Variants in RAPGEF5 observed in about 807,000 individuals in gnomAD.
RAPGEF5 encodes Rap guanine nucleotide exchange factor 5.
RAPGEF5 carries 65 observed loss-of-function variants against 125.2 expected under a neutral mutation model. The ratio of observed to expected loss-of-function variants is 0.52; its 90% CI spans 0.43 to 0.64. RAPGEF5 has a LOEUF of 0.64. Among genes scored for constraint, RAPGEF5 ranks in the 30% least tolerant of loss-of-function variants. RAPGEF5 has a pLI of 0.00. For synonymous variants in RAPGEF5, 391 were observed against 385.9 expected, an observed-to-expected ratio of 1.01 and a Z score of -0.16; for missense variants, 958 against 1,048.1, an observed-to-expected ratio of 0.91 and a Z score of 1.19.
At chr7:22,290,341 G>A (rs1782900434) in intron 6 of RAPGEF5, among the ~76,000 whole-genome samples, 1 of 152,204 alleles carries the variant, frequency 6.6e-6, no homozygotes, top group African/African-American at 2.4e-5. Context: ...GATTGCTAGA[G>A]CCTGTCAAAA....
At chr7:22,320,063 A>G (rs1245068366) in intron 1 of RAPGEF5, among the ~76,000 whole-genome samples, 7 of 152,224 alleles carry the variant, frequency 4.6e-5, no homozygotes, top group Non-Finnish European at 7.3e-5. Flanking sequence ...CTGAATAGAT[A>G]GCAGCGTTAG....
intron 7 of RAPGEF5, among the ~76,000 whole-genome samples, chr7:22,238,029 G>A (rs756665054): frequency 2.0e-5 from 3 of 152,112 alleles, no homozygotes; most frequent in Admixed American, 6.6e-5. Flanking sequence ...ATAAACAAAC[G>A]TAAACTGAAG....
At chr7:22,266,448 C>A (rs955047839) in intron 7 of RAPGEF5, among the ~76,000 whole-genome samples, 9 of 152,140 alleles carry the variant, frequency 5.9e-5, no homozygotes, top group African/African-American at 2.2e-4. Context: ...CATGTTACTT[C>A]CACAGATTAT....
chr7:22,188,725 C>A (rs1784897103), intron 11 of RAPGEF5, among the ~76,000 whole-genome samples: 1 of 147,074 alleles, frequency 6.8e-6, no homozygotes, highest in Non-Finnish European at 1.5e-5. Flanking sequence ...GAGATCGCGC[C>A]ACTGCACTCC....
chr7:22,205,436 C>G (rs1785376619), intron 9 of RAPGEF5, among the ~76,000 whole-genome samples: 1 of 152,146 alleles, frequency 6.6e-6, no homozygotes, highest in Admixed American at 6.5e-5. Context: ...CATCTCAAAC[C>G]ACCCACAATT....
intron 7 of RAPGEF5, among the ~76,000 whole-genome samples, chr7:22,231,376 A>G (rs899050681): frequency 2.8e-4 from 43 of 152,138 alleles, no homozygotes; most frequent in African/African-American, 9.9e-4. Flanking sequence ...AAAATTCCAT[A>G]TTGTGGAGTC....
At chr7:22,174,274 AAGG>A (rs1395178483) in intron 11 of RAPGEF5, among the ~76,000 whole-genome samples, 2 of 152,216 alleles carry the variant, frequency 1.3e-5, no homozygotes, top group African/African-American at 2.4e-5. Context: ...GGAGGAGGAA[AAGG>A]AGAAGCAAAT....
At chr7:22,190,393 T>C (rs1245860848) in intron 11 of RAPGEF5, among the ~76,000 whole-genome samples, 1 of 152,144 alleles carries the variant, frequency 6.6e-6, no homozygotes, top group African/African-American at 2.4e-5. Flanking sequence ...ATTATGAAAA[T>C]AGTATACATA....
intron 6 of RAPGEF5, among the ~76,000 whole-genome samples, chr7:22,272,448 T>C (rs1782457439): frequency 6.6e-6 from 1 of 151,920 alleles, no homozygotes; most frequent in South Asian, 2.1e-4. Flanking sequence ...TACCAAAGCG[T>C]TGTCCTTACA....
chr7:22,193,907 ACT>A lies in RAPGEF5; in HGVS notation c.1115+6_1115+7del, dbSNP rs1491469300. The A allele has an allele frequency of 2.5e-6, 4 of 1,611,070 alleles. No homozygotes were observed. The highest frequency in any genetic ancestry group is 2.7e-5 in the African/African-American group (2 of 74,254). ...CGCGTGCCTCTGTGGCTGCAGGGAAACTCTCACCTCCAATGGCTCTCCGCACT... is the reference window on the plus strand; with the variant it reads ...CGCGTGCCTCTGTGGCTGCAGGGAAACTCACCTCCAATGGCTCTCCGCACT... On this transcript the variant is annotated splice_donor_region_variant and intron_variant, in intron 10 of 25. Transcript: ENST00000665637.
rs530032829 is a variant in RAPGEF5, at chr7:22,277,857, T to C, written c.748-10845A>G. Among the ~76,000 whole-genome samples the C allele has an allele frequency of 3.3e-5, 5 of 152,328 alleles. No homozygotes were observed. The South Asian group carries it at 1.0e-3, about 32-fold the overall frequency. ...CCTTTATTTTAAAAGCTCATATGTT[T>C]AGACAGAGTCCACACAGACAATCTA... On this transcript the variant is annotated intron_variant, in intron 6 of 25. Coordinates refer to ENST00000665637, the MANE Select transcript of RAPGEF5 (RefSeq NM_012294.5).
chr7:22,246,732 C>G (rs1786487107), intron 7 of RAPGEF5, among the ~76,000 whole-genome samples: 1 of 151,956 alleles, frequency 6.6e-6, no homozygotes, highest in Non-Finnish European at 1.5e-5. Context: ...ACAAGTGGGA[C>G]CTAATTAAAC....
At chr7:22,198,190 G>C (rs1583474570) in intron 9 of RAPGEF5, among the ~76,000 whole-genome samples, 1 of 152,110 alleles carries the variant, frequency 6.6e-6, no homozygotes, top group Non-Finnish European at 1.5e-5. Context: ...ATTTCAATTG[G>C]TGAATTGTGA....
chr7:22,224,952 C>G (rs1785885138), intron 8 of RAPGEF5, among the ~76,000 whole-genome samples: 1 of 150,958 alleles, frequency 6.6e-6, no homozygotes, highest in Non-Finnish European at 1.5e-5. Flanking sequence ...CATGATTTTT[C>G]AAGGAACTCT....
intron 1 of RAPGEF5, among the ~76,000 whole-genome samples, chr7:22,350,471 A>G (rs1285121656): frequency 1.3e-5 from 2 of 152,244 alleles, no homozygotes; most frequent in Non-Finnish European, 2.9e-5. Flanking sequence ...CAGGGACATA[A>G]CTATTTAAGT....
chr7:22,229,651 A>G (rs766034964), intron 8 of RAPGEF5, among the ~76,000 whole-genome samples: 1 of 152,184 alleles, frequency 6.6e-6, no homozygotes, highest in Non-Finnish European at 1.5e-5. Context: ...GCATGACTTG[A>G]ACTACTTATT....
chr7:22,308,598 T>C (rs1275829880), intron 4 of RAPGEF5, 91 bp from the exon 5 acceptor site: 9 of 1,053,650 alleles, frequency 8.5e-6, no homozygotes, highest in East Asian at 8.0e-5. Flanking sequence ...GCCCTAATAA[T>C]TGGGAGCAAT....
intron 6 of RAPGEF5, among the ~76,000 whole-genome samples, chr7:22,268,303 T>C (rs1037897794): frequency 1.3e-5 from 2 of 152,186 alleles, no homozygotes; most frequent in African/African-American, 4.8e-5. Flanking sequence ...CCTTAGGAGT[T>C]TGAGCTCTGA....
chr7:22,269,560 A>G (rs760502733), intron 6 of RAPGEF5, among the ~76,000 whole-genome samples: 2 of 152,234 alleles, frequency 1.3e-5, no homozygotes, highest in Admixed American at 6.5e-5. Context: ...AGGGAGGACA[A>G]TGAAAATTCA....
Sources: allele counts gnomAD v4.1 joint callset (sites outside exome capture counted in the v4.1 genomes callset), GRCh38; gene constraint gnomAD v4.1.1; transcripts MANE v1.5; gene names NCBI Gene and HGNC (gene_info 2026-07-23, HGNC 2026-07-21).